DPF3: variants seen among roughly 807,000 people sequenced by gnomAD.
DPF3 encodes the protein zinc finger protein DPF3.
A neutral mutation model predicts 56.8 loss-of-function variants in DPF3; 18 were observed. The ratio of observed to expected loss-of-function variants is 0.32; its 90% confidence interval spans 0.22 to 0.47. The LOEUF is 0.47. DPF3 is among the 20% of genes least tolerant of loss of function. The pLI is 1.00. For missense variants in DPF3, 403 were observed against 488.8 expected (o/e 0.82, Z 1.65); for synonymous variants, 188 against 180.2 (o/e 1.04, Z -0.35).
At chr14:72,724,417 T>A (rs1889309127) in intron 4 of DPF3, among the ~76,000 whole-genome samples, 1 of 152,106 alleles carries the variant, frequency 6.6e-6, no homozygotes. Context: ...CTCCAGATCA[T>A]CCAGTGAAGC....
At chr14:72,810,454 G>T (rs1882991149) in intron 1 of DPF3, among the ~76,000 whole-genome samples, 1 of 152,178 alleles carries the variant, frequency 6.6e-6, no homozygotes, top group African/African-American at 2.4e-5. Flanking sequence ...GAGCTTCCGG[G>T]CTGCAGAGGA....
intron 6 of DPF3, among the ~76,000 whole-genome samples, chr14:72,698,792 C>A (rs1888021292): frequency 6.6e-6 from 1 of 152,186 alleles, no homozygotes; most frequent in Non-Finnish European, 1.5e-5. Context: ...GATGGGTTTG[C>A]CAGGACATAG....
intron 1 of DPF3, 84 bp downstream of exon 1, chr14:72,893,973 T>C (rs1037574683): frequency 6.5e-7 from 1 of 1,548,812 alleles, no homozygotes; most frequent in East Asian, 2.3e-5. Context: ...AGCGCAATGC[T>C]CTGGCAGCGC....
In DPF3 at chr14:72,799,762, G is replaced by C. The variant is rs577684752; in HGVS notation, c.33-27869C>G. Among the ~76,000 whole-genome samples, 3 of 152,290 alleles carry C rather than the reference G, an allele frequency of 2.0e-5. No homozygotes were observed. In the South Asian group the frequency reaches 6.2e-4, roughly 32 times the overall value. ...AGAGTCAATCCTGGAACTTCTGGGG[G>C]AAAGAGGCACTTTCTTTCTCTTAGT... On this transcript the variant is annotated intron_variant, in intron 1 of 10. Coordinates refer to ENST00000556509, the MANE Select transcript of DPF3 (RefSeq NM_001280542.3).
At chr14:72,836,525 T>C in intron 1 of DPF3, 1 of 985,140 alleles carries the variant, frequency 1.0e-6, no homozygotes, top group Non-Finnish European at 1.2e-6. Context: ...CGTGGGGAGA[T>C]TATGATTGCC....
intron 1 of DPF3, among the ~76,000 whole-genome samples, chr14:72,801,723 C>G (rs1302534337): frequency 6.6e-6 from 1 of 152,138 alleles, no homozygotes; most frequent in Non-Finnish European, 1.5e-5. Flanking sequence ...AGGAAAATAG[C>G]CCCATACTAA....
intron 5 of DPF3, among the ~76,000 whole-genome samples, chr14:72,715,076 T>C (rs1888856310): frequency 1.3e-5 from 2 of 152,164 alleles, no homozygotes; most frequent in African/African-American, 4.8e-5. Context: ...CGAGTGTAGC[T>C]ACAGGGGAGC....
At chr14:72,732,021 G>A in intron 3 of DPF3, 87 bp from the exon 4 acceptor site, 1 of 1,499,772 alleles carries the variant, frequency 6.7e-7, no homozygotes, top group Non-Finnish European at 8.9e-7. Context: ...CAGGGCCCAG[G>A]GCTCCTGAGG....
At chr14:72,864,815 C>A (rs1414648327) in intron 1 of DPF3, among the ~76,000 whole-genome samples, 1 of 152,218 alleles carries the variant, frequency 6.6e-6, no homozygotes, top group Non-Finnish European at 1.5e-5. Context: ...GCACTGCAGG[C>A]TGGGAGGTCA....
intron 2 of DPF3, among the ~76,000 whole-genome samples, chr14:72,758,076 C>G (rs1890913154): frequency 6.6e-6 from 1 of 152,060 alleles, no homozygotes; most frequent in Non-Finnish European, 1.5e-5. Flanking sequence ...AGTGAAGATA[C>G]AGTTAGACTT....
At chr14:72,623,388 G>C (rs993153002) in intron 9 of DPF3, among the ~76,000 whole-genome samples, 2 of 152,158 alleles carry the variant, frequency 1.3e-5, no homozygotes, top group Admixed American at 6.5e-5. Flanking sequence ...ACCACACAGA[G>C]AGAAACTATT....
chr14:72,866,200 G>A (rs1197938345), intron 1 of DPF3, among the ~76,000 whole-genome samples: 1 of 152,074 alleles, frequency 6.6e-6, no homozygotes, highest in African/African-American at 2.4e-5. Flanking sequence ...GTTTTACCAG[G>A]CACATTCCCA....
chr14:72,888,661 C>T (rs1156648777), intron 1 of DPF3, among the ~76,000 whole-genome samples: 2 of 152,206 alleles, frequency 1.3e-5, no homozygotes, highest in African/African-American at 2.4e-5. Context: ...TTGTTAACTA[C>T]CTTCATATTT....
At chr14:72,713,085 T>C (rs940544107) in intron 6 of DPF3, among the ~76,000 whole-genome samples, 7 of 152,190 alleles carry the variant, frequency 4.6e-5, no homozygotes, top group Non-Finnish European at 8.8e-5. Context: ...AGAGTGAAAC[T>C]GAACGCCATG....
At chr14:72,644,786 A>G (rs1242366923) in intron 8 of DPF3, among the ~76,000 whole-genome samples, 1 of 152,204 alleles carries the variant, frequency 6.6e-6, no homozygotes, top group Non-Finnish European at 1.5e-5. Flanking sequence ...TGAAACCATC[A>G]ACCATCTCTA....
At chr14:72,749,293 T>C (rs1187891218) in intron 3 of DPF3, among the ~76,000 whole-genome samples, 2 of 152,248 alleles carry the variant, frequency 1.3e-5, no homozygotes, top group African/African-American at 4.8e-5. Context: ...TGAACTTGCA[T>C]GGGGCCTGTA....
chr14:72,633,595 C>G (rs1885285713), intron 8 of DPF3, among the ~76,000 whole-genome samples: 1 of 152,168 alleles, frequency 6.6e-6, no homozygotes, highest in African/African-American at 2.4e-5. Flanking sequence ...TTTACTGCCA[C>G]AGGTTCTCTA....
At position 72,845,603 on chromosome 14, in the gene DPF3, TG is replaced by T. The variant is rs1228116211; in HGVS notation, c.32+48453del. 2.0e-5 allele frequency among the ~76,000 whole-genome samples: 3 copies of T among 152,184 alleles called. No homozygotes were observed. In the East Asian group the frequency reaches 5.8e-4, roughly 29 times the overall value. ...GTTAATCATGGTGCCCATTGCAACA[TG>T]GCACCCAATGCCACTTTCCAGAGTA... On this transcript the variant is annotated intron_variant, in intron 1 of 10. Transcript: ENST00000556509.
At chr14:72,830,937 G>T (rs1033498893) in intron 1 of DPF3, among the ~76,000 whole-genome samples, 1 of 152,108 alleles carries the variant, frequency 6.6e-6, no homozygotes, top group African/African-American at 2.4e-5. Context: ...GCGCACCTCG[G>T]GCCTCTGCCC....
Sources: allele counts gnomAD v4.1 joint callset (sites outside exome capture counted in the v4.1 genomes callset), GRCh38; gene constraint gnomAD v4.1.1; transcripts MANE v1.5; gene names NCBI Gene and HGNC (gene_info 2026-07-23, HGNC 2026-07-21).